The following ATPSCKMT variants were observed in gnomAD, a reference collection of about 807,000 sequenced individuals.
The protein encoded by ATPSCKMT is ATP synthase subunit C lysine N-methyltransferase.
ATPSCKMT carries 24 observed loss-of-function variants against 24.3 expected under a neutral mutation model. The ratio of observed to expected loss-of-function variants is 0.99; its 90% CI spans 0.71 to 1.39. The LOEUF (loss-of-function observed/expected upper bound fraction) is 1.39. Among genes scored for constraint, ATPSCKMT ranks in the 40% most tolerant of loss-of-function variants. ATPSCKMT has a pLI of 0.00. For synonymous variants in ATPSCKMT, 95 were observed against 110.5 expected (o/e 0.86, Z 0.88); for missense variants, 311 against 298.4 (o/e 1.04, Z -0.31).
chr5:10,230,362 G>T (rs1744072854), intron 4 of ATPSCKMT, among the ~76,000 whole-genome samples: 1 of 152,014 alleles, frequency 6.6e-6, no homozygotes, highest in Admixed American at 6.6e-5. Flanking sequence ...ATTTCTTATG[G>T]TAATTTTGTT....
At chr5:10,245,271 T>C (rs919120371) in intron 1 of ATPSCKMT, among the ~76,000 whole-genome samples, 34 of 151,628 alleles carry the variant, frequency 2.2e-4, no homozygotes, top group Admixed American at 2.2e-3. Context: ...ATCAAAAAAA[T>C]TAGCCGGGCA....
At chr5:10,232,620 G>A (rs543598164) in intron 4 of ATPSCKMT, among the ~76,000 whole-genome samples, 18 of 152,356 alleles carry the variant, frequency 1.2e-4, no homozygotes, top group African/African-American at 4.3e-4. Flanking sequence ...GCTGTTCGAC[G>A]AAGTCCAGAG....
chr5:10,227,438 A>T lies in ATPSCKMT; in HGVS notation c.*3T>A. 6.2e-7 allele frequency: 1 copy of T among 1,613,916 alleles called. No individual in the cohort carries two copies. Among genetic ancestry groups the T allele is most frequent in the Non-Finnish European group, 8.5e-7 (1 of 1,180,030 alleles). ...TATTTCAGAAAAACACTCCCAGTCA[A>T]GTTTATGCTTGAATGGGCAGCTGGA... On this transcript the variant is annotated 3_prime_UTR_variant, in exon 5 of 5. Coordinates refer to ENST00000511437, the MANE Select transcript of ATPSCKMT (RefSeq NM_199133.4).
rs1317822829 is a variant in ATPSCKMT, at chr5:10,226,818, C to A, written c.*623G>T. ...GAGGCAGTAAGTCATGGGTCCGAGG[C>A]CTCTTGCTGATGACAAAACTGGAAT... On this transcript the variant is annotated 3_prime_UTR_variant, in exon 5 of 5. Transcript: ENST00000511437. 1.3e-5 allele frequency: 2 copies of A among 152,802 alleles called. No individual in the cohort carries two copies. The highest frequency in any genetic ancestry group is 2.9e-5 in the Non-Finnish European group (2 of 68,512). The allele number at this position is 152,802 out of a possible 1,614,324, so 9.5% of individuals were successfully genotyped here.
Position 10,236,467 on chromosome 5 carries a change from GC to G in ATPSCKMT, c.444+10del. 2 of 1,613,438 alleles carry G rather than the reference GC, an allele frequency of 1.2e-6. No individual in the cohort carries two copies. Among genetic ancestry groups the G allele is most frequent in the Non-Finnish European group, 1.7e-6 (2 of 1,179,754 alleles). On this transcript the variant is annotated intron_variant, in intron 3 of 4. Transcript: ENST00000511437. ...TTGGATTTCTCTAGGGCCATTCTCT[GC>G]CTTACATACCTTCCACAAATCTGAA...
At chr5:10,242,523 A>G (rs1191033688) in intron 1 of ATPSCKMT, among the ~76,000 whole-genome samples, 1 of 152,164 alleles carries the variant, frequency 6.6e-6, no homozygotes, top group African/African-American at 2.4e-5. Flanking sequence ...TCCTCCACTT[A>G]GGTCTCAAAG....
chr5:10,229,988 A>C (rs933097353), intron 4 of ATPSCKMT, among the ~76,000 whole-genome samples: 1 of 152,192 alleles, frequency 6.6e-6, no homozygotes, highest in Non-Finnish European at 1.5e-5. Flanking sequence ...CCTTTTTCTC[A>C]AAGATTCCTG....
chr5:10,237,297 G>A (rs967766368), intron 2 of ATPSCKMT, among the ~76,000 whole-genome samples: 2 of 152,168 alleles, frequency 1.3e-5, no homozygotes, highest in Non-Finnish European at 2.9e-5. Context: ...GTACTACAGT[G>A]CTGCAAGAAA....
intron 1 of ATPSCKMT, among the ~76,000 whole-genome samples, chr5:10,249,128 C>G (rs1037104633): frequency 6.6e-6 from 1 of 151,892 alleles, no homozygotes; most frequent in African/African-American, 2.4e-5. Context: ...AATTAGCGAG[C>G]GTGGTGGTTC....
rs1045680440 is a variant in ATPSCKMT at position 10,227,327 on chromosome 5, T to C, written c.*114A>G. On this transcript the variant is annotated 3_prime_UTR_variant, in exon 5 of 5. Coordinates refer to ENST00000511437, the MANE Select transcript of ATPSCKMT (RefSeq NM_199133.4). ...CTCCAACAGTTAAGGAAAGTAATAG[T>C]AATTTCTCATTCCAAACCAAAGACA... is the stretch of plus-strand genomic sequence containing the variant. 2.8e-6 allele frequency: 3 copies of C among 1,071,608 alleles called. No homozygotes were observed. In the African/African-American group the frequency reaches 4.7e-5, roughly 17 times the overall value. The allele number at this position is 1,071,608 out of a possible 1,614,324, so 66.4% of individuals were successfully genotyped here.
intron 1 of ATPSCKMT, among the ~76,000 whole-genome samples, chr5:10,240,784 T>C (rs1579429784): frequency 6.6e-6 from 1 of 151,196 alleles, no homozygotes; most frequent in Admixed American, 6.6e-5. Context: ...TCACCAGAGG[T>C]TGAGAGTTTG....
In ATPSCKMT at chr5:10,239,360, G is replaced by A. The variant is rs1291553605; in HGVS notation, c.17-4C>T. On this transcript the variant is annotated splice_polypyrimidine_tract_variant and splice_region_variant and intron_variant, in intron 1 of 4. Coordinates refer to ENST00000511437, the MANE Select transcript of ATPSCKMT (RefSeq NM_199133.4). ...TTAAGTGTTTCTAGGGGTATACCTAGATTGAAAGCAAGCAGAAGAGACACA... is the reference window on the plus strand; with the variant it reads ...TTAAGTGTTTCTAGGGGTATACCTAAATTGAAAGCAAGCAGAAGAGACACA... 6.2e-6 allele frequency: 10 copies of A among 1,602,320 alleles called. No homozygotes were observed. The highest frequency in any genetic ancestry group is 7.7e-6 in the Non-Finnish European group (9 of 1,172,926).
Position 10,225,666 on chromosome 5 carries a change from A to G in ATPSCKMT, c.*1775T>C, listed in dbSNP as rs1743847567. On this transcript the variant is annotated 3_prime_UTR_variant, in exon 5 of 5. Transcript: ENST00000511437. ...CTCACTATCATGAGAACAGCACAGG[A>G]AAGACCTGCCCCCATAATTCAATCA... Among the ~76,000 whole-genome samples, 1 of 152,134 alleles carries G rather than the reference A, an allele frequency of 6.6e-6. No homozygotes were observed. Among genetic ancestry groups the G allele is most frequent in the Non-Finnish European group, 1.5e-5 (1 of 68,030 alleles).
chr5:10,241,801 A>G (rs1314964562), intron 1 of ATPSCKMT, among the ~76,000 whole-genome samples: 1 of 152,244 alleles, frequency 6.6e-6, no homozygotes, highest in East Asian at 1.9e-4. Flanking sequence ...CAATAAAGCA[A>G]GTTACACAAA....
In ATPSCKMT at chr5:10,231,131, G is replaced by A. The variant is rs538277927; in HGVS notation, c.496-3484C>T. On this transcript the variant is annotated intron_variant, in intron 4 of 4. Transcript: ENST00000511437. Reference sequence around the variant, plus strand: ...TCCAAGCGTGTGGCAGGATGGCCCGGTGGTCTAAGGTGCTAGACACAAGCT... The same window carrying A: ...TCCAAGCGTGTGGCAGGATGGCCCGATGGTCTAAGGTGCTAGACACAAGCT... Among the ~76,000 whole-genome samples the A allele has an allele frequency of 1.2e-3, 181 of 152,150 alleles. 1 individual carries two copies. Among genetic ancestry groups the A allele is most frequent in the African/African-American group, 4.1e-3 (172 of 41,500 alleles).
intron 4 of ATPSCKMT, among the ~76,000 whole-genome samples, chr5:10,234,893 G>GC (rs1744305563): frequency 1.3e-5 from 2 of 152,224 alleles, no homozygotes; most frequent in Non-Finnish European, 2.9e-5. Context: ...TCAGCGAAGT[G>GC]GAAGTGAGCG....
intron 1 of ATPSCKMT, among the ~76,000 whole-genome samples, chr5:10,243,023 A>G (rs1744721239): frequency 6.6e-6 from 1 of 152,242 alleles, no homozygotes; most frequent in African/African-American, 2.4e-5. Context: ...TAGATTTAGC[A>G]TCATTCCTAA....
intron 1 of ATPSCKMT, among the ~76,000 whole-genome samples, chr5:10,240,786 G>A (rs779231824): frequency 3.9e-5 from 6 of 152,066 alleles, no homozygotes; most frequent in African/African-American, 1.2e-4. Context: ...ACCAGAGGTT[G>A]AGAGTTTGAG....
intron 4 of ATPSCKMT, among the ~76,000 whole-genome samples, chr5:10,231,472 G>A (rs1744133979): frequency 6.6e-6 from 1 of 151,908 alleles, no homozygotes; most frequent in African/African-American, 2.4e-5. Context: ...AAGGGCTGGT[G>A]TCCTTCCCAT....
Sources: allele counts gnomAD v4.1 joint callset (sites outside exome capture counted in the v4.1 genomes callset), GRCh38; gene constraint gnomAD v4.1.1; transcripts MANE v1.5; gene names NCBI Gene and HGNC (gene_info 2026-07-23, HGNC 2026-07-21).